Variants in USP37 observed in about 807,000 individuals in gnomAD.
The protein encoded by USP37 is ubiquitin specific peptidase 37, also known as ubiquitin carboxyl-terminal hydrolase 37.
Under a neutral mutation model 124.0 loss-of-function variants are expected in USP37, and 27 were observed. The ratio of observed to expected loss-of-function variants is 0.22; its 90% CI spans 0.16 to 0.30. The LOEUF is 0.30. Ranked by LOEUF, USP37 falls within the 10% of genes least tolerant of loss-of-function variation. The probability of loss-of-function intolerance (pLI) is 1.00; values close to 1 mark genes in which losing one functional copy is unlikely to be tolerated. For synonymous variants in USP37, 365 were observed against 388.0 expected (o/e 0.94, Z 0.70); for missense variants, 889 against 1,140.4 (o/e 0.78, Z 3.17).
chr2:218,555,829 T>A (rs1692940351), intron 4 of USP37, among the ~76,000 whole-genome samples: 1 of 152,166 alleles, frequency 6.6e-6, no homozygotes, highest in African/African-American at 2.4e-5. Context: ...CTGCTCCGTA[T>A]CATGGAAGAC....
intron 20 of USP37, among the ~76,000 whole-genome samples, chr2:218,466,644 C>T (rs1690339821): frequency 6.6e-6 from 1 of 152,184 alleles, no homozygotes; most frequent in African/African-American, 2.4e-5. Context: ...CATAGTGTCA[C>T]TTGACCAAGT....
chr2:218,491,587 T>C (rs1691948014), intron 14 of USP37, among the ~76,000 whole-genome samples: 1 of 152,194 alleles, frequency 6.6e-6, no homozygotes, highest in Admixed American at 6.5e-5. Context: ...TTTGAAGCAA[T>C]TTCTTACACA....
At chr2:218,555,733 T>C (rs1480635004) in intron 4 of USP37, among the ~76,000 whole-genome samples, 1 of 152,132 alleles carries the variant, frequency 6.6e-6, no homozygotes, top group African/African-American at 2.4e-5. Flanking sequence ...ACCTCTCTGT[T>C]GGAGCTCCAG....
chr2:218,542,780 T>G (rs1166981908), intron 8 of USP37, among the ~76,000 whole-genome samples: 2 of 152,200 alleles, frequency 1.3e-5, no homozygotes, highest in African/African-American at 4.8e-5. Context: ...TCAACTGTCC[T>G]AATGATTCTG....
chr2:218,536,284 C>T (rs1691641871), intron 8 of USP37, among the ~76,000 whole-genome samples: 2 of 152,124 alleles, frequency 1.3e-5, no homozygotes, highest in South Asian at 4.2e-4. Flanking sequence ...TTAAGGGGAA[C>T]CATCATGAAC....
At chr2:218,488,273 G>T in intron 15 of USP37, 31 bp downstream of exon 15, 1 of 1,392,116 alleles carries the variant, frequency 7.2e-7, no homozygotes, top group Non-Finnish European at 9.9e-7. Flanking sequence ...ATAAAATTTA[G>T]TTATGTGAAA....
chr2:218,529,494 A>AAT (rs1269177706), intron 10 of USP37, among the ~76,000 whole-genome samples: 1 of 150,330 alleles, frequency 6.7e-6, no homozygotes, highest in Non-Finnish European at 1.5e-5. Context: ...AAAAAAAAAA[A>AAT]AAATTCTGTA....
Position 218,453,870 on chromosome 2 carries a change from T to C in USP37, c.*1060A>G, listed in dbSNP as rs972962028. The C allele has an allele frequency of 6.6e-6, 1 of 152,184 alleles. No individual in the cohort carries two copies. The highest frequency in any genetic ancestry group is 2.4e-5 in the African/African-American group (1 of 41,454). 9.4% of individuals were successfully genotyped at this position (152,184 alleles called of 1,614,324 possible). On this transcript the variant is annotated 3_prime_UTR_variant, in exon 26 of 26. Coordinates refer to ENST00000258399, the MANE Select transcript of USP37 (RefSeq NM_020935.3). The stretch of plus-strand genomic sequence containing the variant: ...CAAGTACTTAATTTCATACTTGCAA[T>C]AGGGCTTTTAGCTTCAGTGGTCCAG...
chr2:218,500,940 G>A (rs1052919144), intron 11 of USP37: 4 of 166,232 alleles, frequency 2.4e-5, no homozygotes, highest in African/African-American at 9.7e-5. Context: ...GGAGTGGTGA[G>A]GGAGGAAGGG....
intron 10 of USP37, among the ~76,000 whole-genome samples, chr2:218,511,090 T>C (rs1383542514): frequency 6.6e-6 from 1 of 152,214 alleles, no homozygotes; most frequent in Non-Finnish European, 1.5e-5. Flanking sequence ...CTACTGAAAC[T>C]AACATATTCA....
At chr2:218,484,637 AC>A (rs1175195960) in intron 16 of USP37, among the ~76,000 whole-genome samples, 8 of 116,140 alleles carry the variant, frequency 6.9e-5, no homozygotes, top group Non-Finnish European at 1.1e-4. Flanking sequence ...AACAACAACA[AC>A]AACAACAACA....
intron 10 of USP37, among the ~76,000 whole-genome samples, chr2:218,520,452 C>T (rs922215721): frequency 1.3e-5 from 2 of 150,822 alleles, no homozygotes; most frequent in Admixed American, 6.7e-5. Flanking sequence ...CAGGTTCAAG[C>T]GATTCTCGTG....
chr2:218,455,121 AC>A, intron 25 of USP37, 104 bp from the exon 26 acceptor site: 5 of 1,319,572 alleles, frequency 3.8e-6, no homozygotes, highest in Non-Finnish European at 1.1e-6. Context: ...TAAGGCCTTC[AC>A]AATTCCATTT....
At chr2:218,471,772 T>A (rs967318430) in intron 20 of USP37, among the ~76,000 whole-genome samples, 8 of 152,132 alleles carry the variant, frequency 5.3e-5, no homozygotes, top group Non-Finnish European at 7.4e-5. Context: ...ATGCCTGTAA[T>A]CCTAGCACTT....
At chr2:218,515,045 T>C (rs1340499612) in intron 10 of USP37, among the ~76,000 whole-genome samples, 2 of 152,188 alleles carry the variant, frequency 1.3e-5, no homozygotes, top group Non-Finnish European at 2.9e-5. Context: ...CAAGATGTTA[T>C]AGACTGATCT....
At chr2:218,525,573 CTAA>C (rs1358480706) in intron 10 of USP37, among the ~76,000 whole-genome samples, 2 of 152,146 alleles carry the variant, frequency 1.3e-5, no homozygotes, top group African/African-American at 4.8e-5. Context: ...TGTTACTCTG[CTAA>C]TAATATCTAA....
chr2:218,547,809 A>G (rs1287623826), intron 6 of USP37, among the ~76,000 whole-genome samples: 1 of 152,212 alleles, frequency 6.6e-6, no homozygotes, highest in Non-Finnish European at 1.5e-5. Flanking sequence ...AAGGTGAGAT[A>G]GAGTTCAATA....
At chr2:218,492,376 G>A (rs965923078) in intron 14 of USP37, among the ~76,000 whole-genome samples, 3 of 152,192 alleles carry the variant, frequency 2.0e-5, no homozygotes, top group African/African-American at 7.2e-5. Flanking sequence ...AAGTGTGACA[G>A]AAGATGAAGA....
Position 218,466,174 on chromosome 2 carries a change from G to C in USP37, c.2302C>G (p.Pro768Ala), listed in dbSNP as rs1425384116. 1 of 1,597,738 alleles carries C rather than the reference G, an allele frequency of 6.3e-7. No homozygotes were observed. Among genetic ancestry groups the C allele is most frequent in the Non-Finnish European group, 8.5e-7 (1 of 1,174,862 alleles). ...TTAGTTATCTCAGTAAAACTGGCAG[G>C]ATCTGAGGAAGCAGAACATAACATT... The part of the protein sequence containing the change: ...EKPKTITELD[P>A]ASFTEITKDC... The change falls in exon 21 of 26, where the codon CCT becomes GCT. Residue 768 changes from proline to alanine, a missense_variant and splice_region_variant. Pro to Ala is a conservative substitution (Grantham distance 27). This residue lies in a region of USP37 where 504 missense variants were observed against 714.3 expected (regional missense o/e 0.71). Coordinates refer to ENST00000258399, the MANE Select transcript of USP37 (RefSeq NM_020935.3).
Sources: gnomAD v4.1 joint callset for allele counts (sites outside exome capture counted in the v4.1 genomes callset) on GRCh38, gnomAD v4.1.1 for gene constraint, gnomAD v4.1.1 regional missense constraint, MANE v1.5 for transcripts, NCBI Gene and HGNC (gene_info 2026-07-23, HGNC 2026-07-21) for gene names.